The following MRPS2 variants were observed in gnomAD, a reference collection of about 807,000 sequenced individuals.
MRPS2 encodes mitochondrial ribosomal protein S2.
MRPS2 carries 13 observed loss-of-function variants against 18.9 expected under a neutral mutation model. The ratio of observed to expected loss-of-function variants is 0.69; its 90% CI spans 0.45 to 1.09. The LOEUF (loss-of-function observed/expected upper bound fraction) is 1.09. MRPS2 is among the 50% of genes least tolerant of loss of function. The pLI is 0.00. For synonymous variants in MRPS2, 186 were observed against 178.4 expected, an observed-to-expected ratio of 1.04 and a Z score of -0.34; for missense variants, 389 against 421.7, an observed-to-expected ratio of 0.92 and a Z score of 0.68.
chr9:135,502,378 G>C, intron 3 of MRPS2: 3 of 423,084 alleles, frequency 7.1e-6, no homozygotes, highest in Middle Eastern at 4.1e-4. Flanking sequence ...GATGGGAGGG[G>C]CAGGTGGGAG....
rs532099068 is a variant in MRPS2, at chr9:135,501,228, G to T, written c.169+105G>T. 449 of 1,449,362 alleles carry T rather than the reference G, an allele frequency of 3.1e-4. 1 individual carries two copies. The African/African-American group carries it at 5.7e-3, about 18-fold the overall frequency. 89.8% of individuals were successfully genotyped at this position (1,449,362 alleles called of 1,614,324 possible). A position where few individuals can be genotyped will look rare whatever the true frequency, so the allele number is the denominator to read the frequency against. On this transcript the variant is annotated intron_variant, in intron 2 of 3. Transcript: ENST00000241600. ...CTGGGCGCTGCACGCGGTCGAAACT[G>T]CGCGCTCCGCTGGGCTCCTCCCACT...
intron 1 of MRPS2, 81 bp from the exon 2 acceptor site, chr9:135,500,917 G>A (rs907855920): frequency 1.3e-6 from 2 of 1,588,004 alleles, no homozygotes; most frequent in Non-Finnish European, 1.7e-6. Flanking sequence ...GGGACGCGGA[G>A]GGGCCCGTTG....
chr9:135,503,232 A>G, intron 3 of MRPS2: 2 of 1,218,842 alleles, frequency 1.6e-6, no homozygotes, highest in Non-Finnish European at 2.1e-6. Flanking sequence ...TGCACGGGGC[A>G]GAATGTCCTT....
At chr9:135,502,066 C>A (rs1831159243) in intron 3 of MRPS2, 93 bp downstream of exon 3, 1 of 1,575,770 alleles carries the variant, frequency 6.3e-7, no homozygotes, top group African/African-American at 1.4e-5. Flanking sequence ...TGGCCTATGT[C>A]AGTTTTAGGT....
rs1831229299 is a variant in MRPS2 at position 135,504,077 on chromosome 9, C to G, written c.835C>G (p.Pro279Ala). The G allele has an allele frequency of 6.2e-7, 1 of 1,612,518 alleles. No individual in the cohort carries two copies. Among genetic ancestry groups the G allele is most frequent in the Admixed American group, 1.7e-5 (1 of 60,014 alleles). Residue 279 changes from proline (P) to alanine (A), a missense_variant, in exon 4 of 4, where the codon CCC becomes GCC. Pro to Ala is a conservative substitution (Grantham distance 27). Transcript: ENST00000241600. The surrounding 1 kb of genome is among the most constrained non-coding windows in gnomAD (Gnocchi z 4.3). ...ALYRLQGQKE[P>A]GDQGPAHPPG... is the part of the protein sequence containing the mutation. The stretch of plus-strand genomic sequence containing the variant: ...CTATCGCCTGCAGGGCCAGAAGGAG[C>G]CCGGGGACCAGGGGCCAGCCCACCC...
At position 135,503,525 on chromosome 9, in the gene MRPS2, G is replaced by A. The variant is rs1195131603; in HGVS notation, c.300-17G>A. The A allele has an allele frequency of 6.2e-7, 1 of 1,606,364 alleles. No individual in the cohort carries two copies. Among genetic ancestry groups the A allele is most frequent in the Non-Finnish European group, 8.5e-7 (1 of 1,175,424 alleles). ...CGTGAACTCTCATCCCCCTTGCCTT[G>A]GTGGGGTCTCTGGCAGGTTTATGGA... On this transcript the variant is annotated splice_polypyrimidine_tract_variant and intron_variant, in intron 3 of 3. Transcript: ENST00000241600.
upstream of MRPS2, chr9:135,500,456 C>T: frequency 2.3e-6 from 1 of 443,732 alleles, no homozygotes; most frequent in Non-Finnish European, 3.9e-6. Context: ...GCTGGCCGGT[C>T]CCATTAGCAG....
chr9:135,501,913 C>G lies in MRPS2; in HGVS notation c.239C>G (p.Ser80Cys). 6.2e-7 allele frequency: 1 copy of G among 1,613,866 alleles called. No homozygotes were observed. The highest frequency in any genetic ancestry group is 1.3e-5 in the African/African-American group (1 of 75,052). ...SDFFNVKELF[S>C]VRSLFDARVH... ...TTCTTCAATGTCAAGGAACTGTTTT[C>G]CGTGAGAAGCCTCTTCGATGCCCGA... Residue 80 changes from serine to cysteine, a missense_variant, in exon 3 of 4, where the codon TCC becomes TGC. Coordinates refer to ENST00000241600, the MANE Select transcript of MRPS2 (RefSeq NM_016034.5).
chr9:135,500,895 G>A (rs1013920267), intron 1 of MRPS2, 103 bp from the exon 2 acceptor site: 2 of 1,569,410 alleles, frequency 1.3e-6, no homozygotes, highest in South Asian at 1.1e-5. Flanking sequence ...GGGACGCGGA[G>A]GGGACCCGTT....
chr9:135,501,172 C>A, intron 2 of MRPS2, 49 bp downstream of exon 2: 1 of 1,529,424 alleles, frequency 6.5e-7, no homozygotes, highest in Non-Finnish European at 8.8e-7. Flanking sequence ...GAGAGGCCGG[C>A]AGCCGCGGGG....
Position 135,501,953 on chromosome 9 carries a change from C to G in MRPS2, c.279C>G (p.His93Gln), listed in dbSNP as rs2119360583. The G allele has an allele frequency of 6.2e-7, 1 of 1,613,630 alleles. No individual in the cohort carries two copies. Among genetic ancestry groups the G allele is most frequent in the East Asian group, 2.2e-5 (1 of 44,886 alleles). ...TCGATGCCCGAGTCCATCTGGGACACAAAGCTGGCTGTCGGCACAGGTAGG... is the reference window on the plus strand; with the variant it reads ...TCGATGCCCGAGTCCATCTGGGACAGAAAGCTGGCTGTCGGCACAGGTAGG... Reference protein sequence around the residue: ...SLFDARVHLGHKAGCRHRFME... With the variant: ...SLFDARVHLGQKAGCRHRFME... Residue 93 changes from histidine (H) to glutamine (Q), a missense_variant, in exon 3 of 4, where the codon CAC (histidine) becomes CAG (glutamine). By Grantham distance (24) the His-to-Gln change is conservative. Coordinates refer to ENST00000241600, the MANE Select transcript of MRPS2 (RefSeq NM_016034.5).
At chr9:135,499,975 T>A, upstream of MRPS2, 1 of 1,195,014 alleles carries the variant, frequency 8.4e-7, no homozygotes, top group Non-Finnish European at 1.1e-6. Context: ...CCTCTGCGGG[T>A]GGGTCCGGAA....
intron 3 of MRPS2, chr9:135,502,413 G>A (rs894274385): frequency 2.2e-5 from 11 of 489,072 alleles, no homozygotes; most frequent in African/African-American, 4.2e-5. Flanking sequence ...TGGTGTGGGC[G>A]TTCAGGGTGA....
rs769465544 is a variant in MRPS2, at chr9:135,503,908, C to T, written c.666C>T (p.Ile222=). 7 of 1,614,024 alleles carry T rather than the reference C, an allele frequency of 4.3e-6. No homozygotes were observed. Among genetic ancestry groups the T allele is most frequent in the African/African-American group, 1.3e-5 (1 of 75,052 alleles). The change falls in exon 4 of 4, where the codon ATC becomes ATT. Residue 222 remains isoleucine, a synonymous_variant. Transcript: ENST00000241600. The part of the protein sequence containing the change: ...AAKMNIPTVG[I]VDTNCNPCLI... The stretch of plus-strand genomic sequence containing the variant: ...AGATGAACATCCCCACAGTGGGCAT[C>T]GTGGACACCAACTGCAACCCCTGCC...
At chr9:135,500,876 G>A in intron 1 of MRPS2, 122 bp from the exon 2 acceptor site, 1 of 1,538,380 alleles carries the variant, frequency 6.5e-7, no homozygotes, top group Non-Finnish European at 8.8e-7. Flanking sequence ...GGGACTCGGG[G>A]AGGGCGCGGG....
chr9:135,503,422 C>T (rs1489527153), intron 3 of MRPS2, 120 bp from the exon 4 acceptor site: 1 of 1,387,082 alleles, frequency 7.2e-7, no homozygotes. Context: ...GCTTCCCAGC[C>T]CATAGTGCCC....
At chr9:135,501,341 G>T (rs1831126939) in intron 2 of MRPS2, 1 of 1,405,154 alleles carries the variant, frequency 7.1e-7, no homozygotes, top group Admixed American at 3.0e-5. Flanking sequence ...GAGGGAGCGG[G>T]CGGGCCAGTG....
In MRPS2 at chr9:135,502,471, TG is replaced by T. The variant is rs1412954444; in HGVS notation, c.299+500del. ...GTAGCGGAAGAGCTGGAGCAGCAGGTGGACATGAGGCAGCAGGGCAGAGCCA... is the reference window on the plus strand; with the variant it reads ...GTAGCGGAAGAGCTGGAGCAGCAGGTGACATGAGGCAGCAGGGCAGAGCCA... On this transcript the variant is annotated intron_variant, in intron 3 of 3. Coordinates refer to ENST00000241600, the MANE Select transcript of MRPS2 (RefSeq NM_016034.5). 4 of 208,628 alleles carry T rather than the reference TG, an allele frequency of 1.9e-5. No individual in the cohort carries two copies. The South Asian group carries it at 3.1e-4, about 16-fold the overall frequency. The allele number at this position is 208,628 out of a possible 1,614,324, so 12.9% of individuals were successfully genotyped here.
At chr9:135,500,337 C>T (rs544861265), upstream of MRPS2, 5 of 333,458 alleles carry the variant, frequency 1.5e-5, no homozygotes, top group South Asian at 5.7e-4. Context: ...ATATTACAAA[C>T]AGTTTTGGAG....
Sources: gnomAD v4.1 joint callset for allele counts on GRCh38, gnomAD v4.1.1 for gene constraint, Gnocchi (gnomAD v3.1) non-coding constraint, MANE v1.5 for transcripts, NCBI Gene and HGNC (gene_info 2026-07-23, HGNC 2026-07-21) for gene names.